MACROD2: variants seen among roughly 807,000 people sequenced by gnomAD.
The protein encoded by MACROD2 is ADP-ribose glycohydrolase MACROD2.
A neutral mutation model predicts 70.4 loss-of-function variants in MACROD2; 36 were observed. That is an observed-to-expected ratio of 0.51 (90% CI 0.39 to 0.68). The LOEUF (loss-of-function observed/expected upper bound fraction) is 0.68. Ranked by LOEUF, MACROD2 falls within the 30% of genes least tolerant of loss-of-function variation. The probability of loss-of-function intolerance (pLI) is 0.00; values close to 1 mark genes in which losing one functional copy is unlikely to be tolerated. For missense variants in MACROD2, 496 were observed against 538.4 expected (o/e 0.92, Z 0.78); for synonymous variants, 172 against 178.8 (o/e 0.96, Z 0.30).
intron 15 of MACROD2, among the ~76,000 whole-genome samples, chr20:16,029,597 C>G (rs2067125876): frequency 6.6e-6 from 1 of 152,170 alleles, no homozygotes. Flanking sequence ...AGGAACGAGC[C>G]TGGTGTTGCC....
At chr20:14,000,025 A>G (rs1310376610) in intron 1 of MACROD2, among the ~76,000 whole-genome samples, 5 of 151,920 alleles carry the variant, frequency 3.3e-5, no homozygotes, top group Admixed American at 1.3e-4. Context: ...GAAAAAAACA[A>G]CTCTGTTTTC....
intron 5 of MACROD2, among the ~76,000 whole-genome samples, chr20:15,027,029 G>A (rs2122983958): frequency 6.6e-6 from 1 of 152,148 alleles, no homozygotes; most frequent in African/African-American, 2.4e-5. Flanking sequence ...CAGACTGTCT[G>A]GTTCAAAATT....
At chr20:15,850,504 TC>T (rs2147146150) in intron 8 of MACROD2, among the ~76,000 whole-genome samples, 1 of 152,300 alleles carries the variant, frequency 6.6e-6, no homozygotes, top group East Asian at 1.9e-4. Context: ...CTGCCACACC[TC>T]CAGACTGTGT....
At chr20:15,598,044 C>T (rs1028288622) in intron 8 of MACROD2, among the ~76,000 whole-genome samples, 53 of 152,050 alleles carry the variant, frequency 3.5e-4, no homozygotes, top group African/African-American at 1.2e-3. Context: ...GTGCCCACTG[C>T]ACTCCAGCCT....
chr20:15,196,578 T>C (rs2076608132), intron 5 of MACROD2, among the ~76,000 whole-genome samples: 1 of 152,196 alleles, frequency 6.6e-6, no homozygotes, highest in East Asian at 1.9e-4. Flanking sequence ...TGGGTTAACG[T>C]CTGCATTCTA....
intron 3 of MACROD2, among the ~76,000 whole-genome samples, chr20:14,281,241 T>C (rs2082303735): frequency 6.6e-6 from 1 of 152,134 alleles, no homozygotes; most frequent in Non-Finnish European, 1.5e-5. Flanking sequence ...TATTTGCCCA[T>C]AAAAATGAAT....
chr20:15,333,863 A>G (rs2146195543), intron 6 of MACROD2, among the ~76,000 whole-genome samples: 1 of 151,762 alleles, frequency 6.6e-6, no homozygotes, highest in South Asian at 2.1e-4. Context: ...TGATTGCTGG[A>G]CTGGTTACTT....
At chr20:14,697,402 CAA>C (rs1394870493) in intron 5 of MACROD2, among the ~76,000 whole-genome samples, 1 of 152,130 alleles carries the variant, frequency 6.6e-6, no homozygotes, top group East Asian at 1.9e-4. Flanking sequence ...CAGCTATGCA[CAA>C]AGAGGGAGCC....
Position 15,784,916 on chromosome 20 carries a change from A to C in MACROD2, c.646-77829A>C, listed in dbSNP as rs540323788. ...GTAATCCCAGCACTTTGGGAGGCCA[A>C]GATGGGCAGATCACCAGGTCAGGAG... is the stretch of plus-strand genomic sequence containing the variant. On this transcript the variant is annotated intron_variant, in intron 8 of 17. Transcript: ENST00000684519. Among the ~76,000 whole-genome samples, 51 of 152,188 alleles carry C rather than the reference A, an allele frequency of 3.4e-4. 1 individual carries two copies. The East Asian group carries it at 3.5e-3, about 10-fold the overall frequency.
intron 3 of MACROD2, among the ~76,000 whole-genome samples, chr20:14,112,207 G>C (rs1341809139): frequency 6.6e-6 from 1 of 151,992 alleles, no homozygotes; most frequent in Non-Finnish European, 1.5e-5. Context: ...GGCTACTAGA[G>C]GCTGGGAAGG....
intron 6 of MACROD2, among the ~76,000 whole-genome samples, chr20:15,407,581 C>T (rs1042609328): frequency 5.3e-5 from 8 of 152,216 alleles, no homozygotes; most frequent in South Asian, 2.1e-4. Context: ...CAGCCTAGCA[C>T]GGTGCTTAAG....
intron 4 of MACROD2, among the ~76,000 whole-genome samples, chr20:14,646,164 C>T (rs554736780): frequency 6.6e-6 from 1 of 151,790 alleles, no homozygotes; most frequent in African/African-American, 2.4e-5. Flanking sequence ...ATTACTTTCC[C>T]CTTGATGAAT....
chr20:15,692,994 T>C (rs2050317659), intron 8 of MACROD2, among the ~76,000 whole-genome samples: 1 of 152,136 alleles, frequency 6.6e-6, no homozygotes. Flanking sequence ...CTCTTCTCTC[T>C]CTCTCCTGCT....
intron 12 of MACROD2, among the ~76,000 whole-genome samples, chr20:15,951,306 G>GACACAC (rs58032991): frequency 0.078 from 10,550 of 135,496 alleles, 454 homozygotes; most frequent in Middle Eastern, 0.11. Context: ...TATTTATCTA[G>GACACAC]ACACACACAC....
intron 5 of MACROD2, among the ~76,000 whole-genome samples, chr20:14,945,433 T>G (rs1013276770): frequency 7.2e-5 from 11 of 152,286 alleles, no homozygotes; most frequent in African/African-American, 2.4e-4. Context: ...CATTCTGGAC[T>G]GAAGACAGGG....
At chr20:15,756,589 G>C (rs1025142449) in intron 8 of MACROD2, among the ~76,000 whole-genome samples, 1 of 152,108 alleles carries the variant, frequency 6.6e-6, no homozygotes, top group South Asian at 2.1e-4. Flanking sequence ...TGAGGATGCC[G>C]TCATAAAATG....
intron 8 of MACROD2, among the ~76,000 whole-genome samples, chr20:15,536,480 GTAGGAACAAAGC>G (rs2047876438): frequency 1.3e-5 from 2 of 152,194 alleles, no homozygotes; most frequent in South Asian, 4.1e-4. Context: ...CTGATTAAAA[GTAGGAACAAAGC>G]TAGGTGCTCT....
At chr20:15,086,630 A>G (rs2075750762) in intron 5 of MACROD2, among the ~76,000 whole-genome samples, 1 of 152,178 alleles carries the variant, frequency 6.6e-6, no homozygotes, top group African/African-American at 2.4e-5. Flanking sequence ...GTTCACTAAC[A>G]TTTGATTGCT....
chr20:14,239,089 T>C (rs533576624), intron 3 of MACROD2, among the ~76,000 whole-genome samples: 5 of 149,744 alleles, frequency 3.3e-5, no homozygotes, highest in Admixed American at 3.3e-4. Flanking sequence ...AACATCCAAG[T>C]TGGGACCCCA....
Sources: gnomAD v4.1 joint callset for allele counts (sites outside exome capture counted in the v4.1 genomes callset) on GRCh38, gnomAD v4.1.1 for gene constraint, MANE v1.5 for transcripts, NCBI Gene and HGNC (gene_info 2026-07-23, HGNC 2026-07-21) for gene names.